Variants in KIDINS220 observed in about 807,000 individuals in gnomAD.
The protein encoded by KIDINS220 is kinase D interacting substrate 220.
In KIDINS220, 63 loss-of-function variants were observed where a neutral mutation model predicts 157.6. The observed-to-expected ratio is 0.40, with a 90% CI of 0.33 to 0.49. The LOEUF (loss-of-function observed/expected upper bound fraction) is 0.49. Among genes scored for constraint, KIDINS220 ranks in the 20% least tolerant of loss-of-function variants. The pLI is 0.66. For synonymous variants in KIDINS220, 732 were observed against 783.6 expected, an observed-to-expected ratio of 0.93 and a Z score of 1.10; for missense variants, 1,772 against 2,171.2, an observed-to-expected ratio of 0.82 and a Z score of 3.65.
At chr2:8,727,324 A>G, downstream of KIDINS220, 1 of 971,522 alleles carries the variant, frequency 1.0e-6, no homozygotes, top group Non-Finnish European at 1.2e-6. Flanking sequence ...GTGCTGGCCA[A>G]AGAAGTTAAC....
At chr2:8,744,401 A>AATATATATATATAT (rs1474558259) in intron 26 of KIDINS220, among the ~76,000 whole-genome samples, 1 of 7,026 alleles carries the variant, frequency 1.4e-4, no homozygotes, top group Non-Finnish European at 2.1e-4. Flanking sequence ...ATATATATAT[A>AATATATATATATAT]ATATATATAT....
chr2:8,751,684 C>T (rs1479070289), intron 22 of KIDINS220, 40 bp from the exon 23 acceptor site: 2 of 1,394,496 alleles, frequency 1.4e-6, no homozygotes, highest in South Asian at 1.2e-5. Context: ...ATTAATGTCA[C>T]TATTAGAAAG....
intron 20 of KIDINS220, among the ~76,000 whole-genome samples, chr2:8,777,974 T>C (rs1671196210): frequency 6.6e-6 from 1 of 152,120 alleles, no homozygotes; most frequent in Non-Finnish European, 1.5e-5. Flanking sequence ...CATCCAAACT[T>C]AATGGTAGCA....
intron 1 of KIDINS220, among the ~76,000 whole-genome samples, chr2:8,835,452 A>G (rs188320605): frequency 6.6e-6 from 1 of 152,130 alleles, no homozygotes; most frequent in Non-Finnish European, 1.5e-5. Flanking sequence ...GAAACCAGAG[A>G]CTGGGCCAAT....
intron 26 of KIDINS220, among the ~76,000 whole-genome samples, chr2:8,743,585 C>G (rs559994575): frequency 6.6e-6 from 1 of 152,324 alleles, no homozygotes; most frequent in Non-Finnish European, 1.5e-5. Flanking sequence ...AGACCAAATA[C>G]CTGACTAAGT....
At chr2:8,807,985 G>C (rs74914939) in intron 6 of KIDINS220, among the ~76,000 whole-genome samples, 1 of 152,094 alleles carries the variant, frequency 6.6e-6, no homozygotes, top group African/African-American at 2.4e-5. Flanking sequence ...TTAGCCAGGC[G>C]TGGTGGTATA....
Position 8,818,780 on chromosome 2 carries a change from G to A in KIDINS220, c.122C>T (p.Pro41Leu). The change falls in exon 3 of 30, where the codon CCA (proline) becomes CTA (leucine). Residue 41 changes from proline (P) to leucine (L), a missense_variant. Transcript: ENST00000256707. ...GCCTTGTTCGGCAGCTATCATCAGT[G>A]GAGTCTGGCCACACTAGAGAATATA... is the stretch of plus-strand genomic sequence containing the variant. ...VDERNECGQT[P>L]LMIAAEQGNL... 1 of 1,604,030 alleles carries A rather than the reference G, an allele frequency of 6.2e-7. No homozygotes were observed. Among genetic ancestry groups the A allele is most frequent in the African/African-American group, 1.3e-5 (1 of 74,734 alleles).
In KIDINS220 at chr2:8,778,904, T is replaced by A. The variant is rs1161780623; in HGVS notation, c.2606A>T (p.Asp869Val). ...SATNGDVPCS[D>V]TTGIQEDADR... Reference sequence around the variant, plus strand: ...AGGAGCCTGAGCTTTACCTGTAGTATCTGAGCATGGAACGTCTCCATTTGT... The same window carrying A: ...AGGAGCCTGAGCTTTACCTGTAGTAACTGAGCATGGAACGTCTCCATTTGT... The change falls in exon 19 of 30, where the codon GAT (aspartate) becomes GTT (valine). Residue 869 changes from aspartate to valine, a missense_variant. Around this residue, in one of 3 missense-constraint regions of KIDINS220, gnomAD observed 725 missense variants for 1,017.1 expected, o/e 0.71. Coordinates refer to ENST00000256707, the MANE Select transcript of KIDINS220 (RefSeq NM_020738.4). 4.3e-6 allele frequency: 7 copies of A among 1,614,128 alleles called. No homozygotes were observed. Among genetic ancestry groups the A allele is most frequent in the Non-Finnish European group, 5.9e-6 (7 of 1,179,972 alleles).
At chr2:8,774,366 T>C (rs976901225) in intron 21 of KIDINS220, among the ~76,000 whole-genome samples, 3 of 149,966 alleles carry the variant, frequency 2.0e-5, no homozygotes, top group South Asian at 4.2e-4. Context: ...TAAATTCTAC[T>C]GAGGGGAAAC....
At chr2:8,759,499 A>T (rs1668471215) in intron 22 of KIDINS220, among the ~76,000 whole-genome samples, 1 of 150,878 alleles carries the variant, frequency 6.6e-6, no homozygotes, top group East Asian at 1.9e-4. Flanking sequence ...TTAAAGGATT[A>T]AAAAAACCCT....
chr2:8,787,470 G>A (rs1672583778), intron 15 of KIDINS220, among the ~76,000 whole-genome samples: 1 of 151,382 alleles, frequency 6.6e-6, no homozygotes, highest in Non-Finnish European at 1.5e-5. Context: ...CGAAGCTTAA[G>A]CAGTCCTCCC....
chr2:8,835,856 G>A (rs1344674780), intron 1 of KIDINS220, among the ~76,000 whole-genome samples: 1 of 152,034 alleles, frequency 6.6e-6, no homozygotes, highest in Non-Finnish European at 1.5e-5. Context: ...GACCGTTCTT[G>A]AGCAAAAGCA....
At chr2:8,813,910 C>G (rs187408165) in intron 4 of KIDINS220, among the ~76,000 whole-genome samples, 1 of 151,956 alleles carries the variant, frequency 6.6e-6, no homozygotes, top group African/African-American at 2.4e-5. Context: ...GGCGACAGTG[C>G]GAGACTCCAT....
intron 2 of KIDINS220, among the ~76,000 whole-genome samples, chr2:8,821,987 C>T (rs1678035069): frequency 6.6e-6 from 1 of 152,222 alleles, no homozygotes; most frequent in South Asian, 2.1e-4. Context: ...ATGCCTATCT[C>T]CTTCTAGAAA....
downstream of KIDINS220, chr2:8,726,909 G>A: frequency 3.9e-6 from 5 of 1,288,928 alleles, no homozygotes; most frequent in South Asian, 2.5e-5. Flanking sequence ...TGGATCCTCT[G>A]AAGAGCTATC....
In KIDINS220 at chr2:8,788,742, C is replaced by T. The variant is rs749891993; in HGVS notation, c.1692G>A (p.Leu564=). 1 of 1,613,962 alleles carries T rather than the reference C, an allele frequency of 6.2e-7. No homozygotes were observed. Among genetic ancestry groups the T allele is most frequent in the Non-Finnish European group, 8.5e-7 (1 of 1,179,962 alleles). ...WNWAWVLSTR[L]ARHIGYLELL... ...GTTCCAAATATCCAATATGTCTTGC[C>T]AATCTAGTGCTGAGGACCCAGGCCC... The change falls in exon 15 of 30, where the codon TTG becomes TTA. Residue 564 remains leucine (L), a synonymous_variant. Transcript: ENST00000256707.
At position 8,776,992 on chromosome 2, in the gene KIDINS220, C is replaced by T. The variant is rs878869539; in HGVS notation, c.2704-100G>A. 156 of 1,284,164 alleles carry T rather than the reference C, an allele frequency of 1.2e-4. 1 individual carries two copies. In the South Asian group the frequency reaches 1.9e-3, roughly 16 times the overall value. 79.5% of individuals were successfully genotyped at this position (1,284,164 alleles called of 1,614,324 possible). A position where few individuals can be genotyped will look rare whatever the true frequency, so the allele number is the denominator to read the frequency against. Reference sequence around the variant, plus strand: ...TAAATGTTTATAACAAAAAAAAAATCCAAAGTTTTAGTCAAAGAGGAATAT... The same window carrying T: ...TAAATGTTTATAACAAAAAAAAAATTCAAAGTTTTAGTCAAAGAGGAATAT... On this transcript the variant is annotated intron_variant, in intron 20 of 29. Coordinates refer to ENST00000256707, the MANE Select transcript of KIDINS220 (RefSeq NM_020738.4).
In KIDINS220 at chr2:8,731,041, T is replaced by C; in HGVS notation, c.4995A>G (p.Glu1665=). The C allele has an allele frequency of 6.2e-7, 1 of 1,614,206 alleles. No individual in the cohort carries two copies. The highest frequency in any genetic ancestry group is 1.1e-5 in the South Asian group (1 of 91,078). Residue 1665 remains glutamate (E), a synonymous_variant, in exon 30 of 30, where the codon GAA becomes GAG. Transcript: ENST00000256707. The surrounding 1 kb of genome is among the most constrained non-coding windows in gnomAD (Gnocchi z 5.2). The part of the protein sequence containing the change: ...ECSLIASSPE[E]NWPACQKAYN... The stretch of plus-strand genomic sequence containing the variant: ...AGGCTTTCTGGCATGCAGGCCAGTT[T>C]TCTTCAGGGCTGCTGGCTATCAAGC...
chr2:8,804,644 T>G (rs1675189022), intron 7 of KIDINS220, among the ~76,000 whole-genome samples: 1 of 152,260 alleles, frequency 6.6e-6, no homozygotes, highest in Admixed American at 6.5e-5. Context: ...TTAAATTTTA[T>G]AAGAAAAATA....
Sources: allele counts gnomAD v4.1 joint callset (sites outside exome capture counted in the v4.1 genomes callset), GRCh38; gene constraint gnomAD v4.1.1; regional missense constraint gnomAD v4.1.1; non-coding constraint Gnocchi (gnomAD v3.1); transcripts MANE v1.5; gene names NCBI Gene and HGNC (gene_info 2026-07-23, HGNC 2026-07-21).